Variants in SBF2 observed in about 807,000 individuals in gnomAD.
SBF2 encodes SET binding factor 2.
A neutral mutation model predicts 225.2 loss-of-function variants in SBF2; 112 were observed. That is an observed-to-expected ratio of 0.50 (90% CI 0.43 to 0.58). The LOEUF (loss-of-function observed/expected upper bound fraction) is 0.58, where lower values mean the gene tolerates loss of function less well. Ranked by LOEUF, SBF2 falls within the 20% of genes least tolerant of loss-of-function variation. SBF2 has a pLI of 0.00. For missense variants in SBF2, 1,996 were observed against 2,206.2 expected (o/e 0.90, Z 1.91); for synonymous variants, 763 against 773.3 (o/e 0.99, Z 0.22).
At chr11:9,916,001 T>G (rs146531498) in intron 16 of SBF2, among the ~76,000 whole-genome samples, 12 of 152,088 alleles carry the variant, frequency 7.9e-5, no homozygotes, top group Non-Finnish European at 1.8e-4. Flanking sequence ...GAGGCGGAGG[T>G]TGCAGTGAGC....
chr11:10,252,504 T>C (rs1348198886), intron 1 of SBF2, among the ~76,000 whole-genome samples: 1 of 152,162 alleles, frequency 6.6e-6, no homozygotes, highest in East Asian at 1.9e-4. Context: ...AAAACTGTGT[T>C]CAAATAAGGC....
Position 9,924,301 on chromosome 11 carries a change from T to C in SBF2, c.1861-28290A>G, listed in dbSNP as rs556335031. On this transcript the variant is annotated intron_variant, in intron 16 of 39. Coordinates refer to ENST00000256190, the MANE Select transcript of SBF2 (RefSeq NM_030962.4). Reference sequence around the variant, plus strand: ...ACATGAGATATTTGACACTTTATTATAAAATAGGCTTTGTATTAGATGATT... The same window carrying C: ...ACATGAGATATTTGACACTTTATTACAAAATAGGCTTTGTATTAGATGATT... Among the ~76,000 whole-genome samples the C allele has an allele frequency of 1.6e-3, 249 of 152,346 alleles. 4 individuals are homozygous for C. The highest frequency in any genetic ancestry group is 5.9e-4 in the Admixed American group (9 of 15,304).
intron 17 of SBF2, among the ~76,000 whole-genome samples, chr11:9,866,341 T>C (rs796314387): frequency 7.2e-5 from 11 of 152,132 alleles, no homozygotes; most frequent in African/African-American, 1.7e-4. Context: ...TATAAGGCTA[T>C]AGTAGCCAAA....
At chr11:10,234,068 C>T (rs1958966457) in intron 1 of SBF2, among the ~76,000 whole-genome samples, 1 of 152,202 alleles carries the variant, frequency 6.6e-6, no homozygotes, top group South Asian at 2.1e-4. Context: ...CAGTATTATT[C>T]ATCAAAGATC....
intron 1 of SBF2, among the ~76,000 whole-genome samples, chr11:10,276,096 T>A (rs1962941790): frequency 6.6e-6 from 1 of 152,128 alleles, no homozygotes; most frequent in African/African-American, 2.4e-5. Flanking sequence ...ACTTTACTGA[T>A]GAGGGGAAAA....
intron 1 of SBF2, among the ~76,000 whole-genome samples, chr11:10,247,046 C>T (rs56352102): frequency 0.2 from 29,863 of 152,040 alleles, 3,107 homozygotes; most frequent in Middle Eastern, 0.26. Flanking sequence ...ATGATTATAC[C>T]ACTGTGCTAG....
chr11:9,847,005 A>G lies in SBF2; in HGVS notation c.2885T>C (p.Leu962Pro). ...KEKKITMQNQLQQNMQEGLQI... is the reference protein window; with the variant it reads ...KEKKITMQNQPQQNMQEGLQI... ...CAGTCCTTCTTGCATGTTCTGCTGT[A>G]GCTGGTTCTGCATTGTAATCTTCTT... The change falls in exon 23 of 40, where the codon CTA (leucine) becomes CCA (proline). Residue 962 changes from leucine (L) to proline (P), a missense_variant. Leu to Pro is a moderately conservative substitution (Grantham distance 98). Coordinates refer to ENST00000256190, the MANE Select transcript of SBF2 (RefSeq NM_030962.4). 2 of 1,613,844 alleles carry G rather than the reference A, an allele frequency of 1.2e-6. No homozygotes were observed. Among genetic ancestry groups the G allele is most frequent in the Non-Finnish European group, 1.7e-6 (2 of 1,179,742 alleles).
intron 6 of SBF2, among the ~76,000 whole-genome samples, chr11:10,007,962 A>C (rs1948269791): frequency 6.6e-6 from 1 of 152,188 alleles, no homozygotes; most frequent in Admixed American, 6.5e-5. Flanking sequence ...ATTTGAACTC[A>C]CTTGGAGGGA....
At chr11:9,878,611 G>A (rs1163661995) in intron 17 of SBF2, among the ~76,000 whole-genome samples, 1 of 152,140 alleles carries the variant, frequency 6.6e-6, no homozygotes, top group Non-Finnish European at 1.5e-5. Context: ...GCACATCTTG[G>A]CATCAATTCA....
intron 22 of SBF2, among the ~76,000 whole-genome samples, chr11:9,847,763 T>A (rs1856656669): frequency 6.6e-6 from 1 of 151,142 alleles, no homozygotes; most frequent in African/African-American, 2.4e-5. Context: ...AAGATGAGAG[T>A]CTAGAAAAAA....
chr11:10,149,713 T>C (rs1476515967), intron 2 of SBF2, among the ~76,000 whole-genome samples: 3 of 152,210 alleles, frequency 2.0e-5, no homozygotes, highest in Admixed American at 1.3e-4. Context: ...TCAATTTCTA[T>C]GTTGATCAGG....
chr11:9,992,605 C>G (rs1947487306), intron 11 of SBF2, 62 bp from the exon 12 acceptor site: 1 of 1,496,312 alleles, frequency 6.7e-7, no homozygotes, highest in Non-Finnish European at 9.1e-7. Flanking sequence ...ATGGTCAAAA[C>G]AGAAATACAA....
intron 6 of SBF2, among the ~76,000 whole-genome samples, chr11:10,015,711 C>G (rs1176519831): frequency 6.6e-6 from 1 of 152,154 alleles, no homozygotes; most frequent in Non-Finnish European, 1.5e-5. Context: ...AACAGACCTA[C>G]AAGTAATTTG....
chr11:10,212,374 G>T lies in SBF2; in HGVS notation c.56-18387C>A, dbSNP rs55635353. Among the ~76,000 whole-genome samples, 943 of 152,248 alleles carry T rather than the reference G, an allele frequency of 6.2e-3. 14 individuals carry two copies. Among genetic ancestry groups the T allele is most frequent in the African/African-American group, 0.021 (877 of 41,540 alleles). ...CTCAGCTTCCAATAACTCCTGAAAG[G>T]TTTCAGTATTTGTCTTCTGATGAAC... On this transcript the variant is annotated intron_variant, in intron 1 of 39. Coordinates refer to ENST00000256190, the MANE Select transcript of SBF2 (RefSeq NM_030962.4).
intron 28 of SBF2, among the ~76,000 whole-genome samples, chr11:9,818,251 A>C (rs1004161215): frequency 3.4e-4 from 52 of 152,192 alleles, no homozygotes; most frequent in African/African-American, 1.2e-3. Context: ...AGCCAGAAGC[A>C]GATACCTTCT....
intron 2 of SBF2, among the ~76,000 whole-genome samples, chr11:10,133,506 C>G (rs1393397133): frequency 3.7e-5 from 5 of 136,336 alleles, no homozygotes; most frequent in African/African-American, 7.6e-5. Flanking sequence ...TGGGCCAGCA[C>G]TGCTGGGGGA....
At chr11:9,815,281 T>TAAAAA (rs35464212) in intron 29 of SBF2, among the ~76,000 whole-genome samples, 2 of 42,804 alleles carry the variant, frequency 4.7e-5, no homozygotes, top group African/African-American at 1.1e-4. Context: ...CTACTAAAAC[T>TAAAAA]AAAAAAAAAA....
chr11:10,154,973 T>C (rs1309355358), intron 2 of SBF2, among the ~76,000 whole-genome samples: 1 of 152,170 alleles, frequency 6.6e-6, no homozygotes, highest in Non-Finnish European at 1.5e-5. Context: ...ACCCAGTTTC[T>C]GACTCCATTA....
At position 9,779,569 on chromosome 11, in the gene SBF2, G is replaced by GT. The variant is rs1851892869; in HGVS notation, c.*848dup. The GT allele has an allele frequency of 6.5e-6, 1 of 152,914 alleles. No individual in the cohort carries two copies. Among genetic ancestry groups the GT allele is most frequent in the Admixed American group, 6.5e-5 (1 of 15,318 alleles). 9.5% of individuals were successfully genotyped at this position (152,914 alleles called of 1,614,324 possible). ...GTATGGTCCTAAATAGCTGGCCTCT[G>GT]TCTTTCCAACATCTTCACTTCATTG... On this transcript the variant is annotated 3_prime_UTR_variant, in exon 40 of 40. Transcript: ENST00000256190.
Sources: allele counts gnomAD v4.1 joint callset (sites outside exome capture counted in the v4.1 genomes callset), GRCh38; gene constraint gnomAD v4.1.1; transcripts MANE v1.5; gene names NCBI Gene and HGNC (gene_info 2026-07-23, HGNC 2026-07-21).